JAK1: variants seen among roughly 807,000 people sequenced by gnomAD.
JAK1 encodes Janus kinase 1, also known as tyrosine-protein kinase JAK1.
Under a neutral mutation model 136.6 loss-of-function variants are expected in JAK1, and 16 were observed. That is an observed-to-expected ratio of 0.12 (90% CI 0.08 to 0.18). The LOEUF is 0.18. Among genes scored for constraint, JAK1 ranks in the 10% least tolerant of loss-of-function variants. JAK1 has a pLI of 1.00. For missense variants in JAK1, 859 were observed against 1,450.1 expected (o/e 0.59, Z 6.62); for synonymous variants, 492 against 519.5 (o/e 0.95, Z 0.72).
At chr1:64,890,984 G>A (rs1354243081) in intron 1 of JAK1, among the ~76,000 whole-genome samples, 2 of 152,098 alleles carry the variant, frequency 1.3e-5, no homozygotes, top group Non-Finnish European at 2.9e-5. Flanking sequence ...TGTAAGTGGG[G>A]AGATAAAAAT....
chr1:64,921,668 C>A (rs1017456715), intron 1 of JAK1, among the ~76,000 whole-genome samples: 8 of 152,148 alleles, frequency 5.3e-5, no homozygotes, highest in Non-Finnish European at 1.0e-4. Flanking sequence ...GATGTGTAAC[C>A]TAGGGATAAG....
chr1:64,913,659 G>GGAAGGAAA, intron 1 of JAK1, among the ~76,000 whole-genome samples: 1 of 15,880 alleles, frequency 6.3e-5, no homozygotes, highest in African/African-American at 2.1e-4. Flanking sequence ...AAGGAAAGAA[G>GGAAGGAAA]GAAGGAAGGA....
At chr1:64,906,227 G>A (rs1046955031) in intron 1 of JAK1, among the ~76,000 whole-genome samples, 2 of 151,834 alleles carry the variant, frequency 1.3e-5, no homozygotes, top group African/African-American at 2.4e-5. Flanking sequence ...CTGGGAGGCG[G>A]GAGCTGCAGT....
At chr1:65,006,788 A>G (rs760582637) in intron 2 of JAK1, among the ~76,000 whole-genome samples, 5 of 152,172 alleles carry the variant, frequency 3.3e-5, no homozygotes, top group Non-Finnish European at 7.4e-5. Flanking sequence ...TGTATATAAA[A>G]TATTTTATCT....
chr1:65,011,500 C>T (rs184845403), intron 2 of JAK1, among the ~76,000 whole-genome samples: 11 of 151,854 alleles, frequency 7.2e-5, no homozygotes, highest in African/African-American at 2.4e-4. Context: ...AACCAGCTTC[C>T]GATATCCAAA....
At chr1:64,940,261 G>T (rs1250793743) in intron 1 of JAK1, among the ~76,000 whole-genome samples, 2 of 151,606 alleles carry the variant, frequency 1.3e-5, no homozygotes, top group Non-Finnish European at 2.9e-5. Context: ...GACCTGCAGG[G>T]AATCCCTATT....
chr1:65,039,725 G>A (rs1394557556), intron 2 of JAK1, among the ~76,000 whole-genome samples: 1 of 152,162 alleles, frequency 6.6e-6, no homozygotes, highest in Non-Finnish European at 1.5e-5. Flanking sequence ...AGCAGGAAAG[G>A]TATTTTTGGA....
At chr1:65,054,868 T>C (rs75686500) in intron 1 of JAK1, among the ~76,000 whole-genome samples, 382 of 152,330 alleles carry the variant, frequency 2.5e-3, no homozygotes, top group Non-Finnish European at 4.5e-3. Context: ...ATTAGAGAAC[T>C]TGAAATGCAT....
chr1:64,970,490 G>A (rs1030925942), upstream of JAK1, among the ~76,000 whole-genome samples: 9 of 150,952 alleles, frequency 6.0e-5, no homozygotes, highest in African/African-American at 2.2e-4. Flanking sequence ...GTTCATGCCT[G>A]TAATCCTGCA....
chr1:64,867,740 C>T (rs1181136544), intron 6 of JAK1, among the ~76,000 whole-genome samples: 1 of 152,174 alleles, frequency 6.6e-6, no homozygotes, highest in Non-Finnish European at 1.5e-5. Flanking sequence ...CCTGTAATCC[C>T]AGCACTTTGG....
chr1:65,026,875 C>T (rs980458211), intron 2 of JAK1, among the ~76,000 whole-genome samples: 8 of 151,808 alleles, frequency 5.3e-5, no homozygotes, highest in Non-Finnish European at 8.8e-5. Context: ...TTGCTTGAAC[C>T]TAGGAGGTAG....
chr1:65,017,146 C>T (rs1646897721), intron 2 of JAK1, among the ~76,000 whole-genome samples: 1 of 152,058 alleles, frequency 6.6e-6, no homozygotes, highest in African/African-American at 2.4e-5. Context: ...AAAAATACAT[C>T]TCCCGATAAT....
At chr1:64,902,883 T>C (rs1357809282) in intron 1 of JAK1, among the ~76,000 whole-genome samples, 1 of 152,160 alleles carries the variant, frequency 6.6e-6, no homozygotes, top group East Asian at 1.9e-4. Flanking sequence ...CGGCAAGATA[T>C]GACCATGTGA....
intron 1 of JAK1, among the ~76,000 whole-genome samples, chr1:65,055,054 A>C (rs1195658484): frequency 6.6e-6 from 1 of 152,208 alleles, no homozygotes; most frequent in East Asian, 1.9e-4. Flanking sequence ...TTTTAGGTGT[A>C]CATTGTGTCA....
intron 2 of JAK1, among the ~76,000 whole-genome samples, chr1:64,885,512 G>C (rs939076790): frequency 2.0e-5 from 3 of 152,152 alleles, no homozygotes; most frequent in Non-Finnish European, 2.9e-5. Flanking sequence ...CCAGCACTTT[G>C]GGAGGCCAAG....
Position 64,844,676 on chromosome 1 carries a change from A to C in JAK1, c.2251+78T>G. 6.4e-7 allele frequency: 1 copy of C among 1,570,046 alleles called. No individual in the cohort carries two copies. Among genetic ancestry groups the C allele is most frequent in the Non-Finnish European group, 8.7e-7 (1 of 1,145,346 alleles). On this transcript the variant is annotated intron_variant, in intron 16 of 24. Transcript: ENST00000342505. This position sits in a 1 kb window ranked among gnomAD's most constrained non-coding sequence, Gnocchi z 5.7. ...AAAAATGACTCTCTAAAAGGAGACC[A>C]ACCCCAGCCCAGCCCTTCTCTCTGC...
intron 2 of JAK1, among the ~76,000 whole-genome samples, chr1:65,039,274 A>G (rs1438210558): frequency 6.6e-6 from 1 of 152,050 alleles, no homozygotes; most frequent in Non-Finnish European, 1.5e-5. Flanking sequence ...CTCACTACAG[A>G]CTCTAGATAT....
intron 5 of JAK1, among the ~76,000 whole-genome samples, chr1:64,872,757 AT>A (rs1188997836): frequency 2.0e-5 from 3 of 152,246 alleles, no homozygotes; most frequent in African/African-American, 4.8e-5. Context: ...AATAAAAAAA[AT>A]CAGATGAATA....
chr1:64,993,302 C>G (rs1274214503), intron 2 of JAK1: 1 of 152,196 alleles, frequency 6.6e-6, no homozygotes, highest in Non-Finnish European at 1.5e-5. Context: ...TGGCTCTGTC[C>G]TCTCCTGTGT....
Sources: allele counts gnomAD v4.1 joint callset (sites outside exome capture counted in the v4.1 genomes callset), GRCh38; gene constraint gnomAD v4.1.1; non-coding constraint Gnocchi (gnomAD v3.1); transcripts MANE v1.5; gene names NCBI Gene and HGNC (gene_info 2026-07-23, HGNC 2026-07-21).